PTPRD: variants seen among roughly 807,000 people sequenced by gnomAD.
PTPRD encodes protein tyrosine phosphatase receptor type D.
A neutral mutation model predicts 214.5 loss-of-function variants in PTPRD; 34 were observed. That is an observed-to-expected ratio of 0.16 (90% confidence interval 0.12 to 0.21). The LOEUF is 0.21. Ranked by LOEUF, PTPRD falls within the 10% of genes least tolerant of loss-of-function variation. The probability of loss-of-function intolerance (pLI) is 1.00; values close to 1 mark genes in which losing one functional copy is unlikely to be tolerated. For missense variants in PTPRD, 2,545 were observed against 2,398.7 expected (o/e 1.06, Z -1.27); for synonymous variants, 1,128 against 845.7 (o/e 1.33, Z -5.79).
chr9:9,955,417 T>C (rs1240354950), intron 4 of PTPRD, among the ~76,000 whole-genome samples: 4 of 152,176 alleles, frequency 2.6e-5, no homozygotes, highest in Admixed American at 2.0e-4. Context: ...AAATAAAACC[T>C]TGTCTTCTTA....
intron 3 of PTPRD, among the ~76,000 whole-genome samples, chr9:10,065,249 C>T (rs1355311716): frequency 6.6e-6 from 1 of 150,942 alleles, no homozygotes; most frequent in Non-Finnish European, 1.5e-5. Flanking sequence ...GTATTTATTG[C>T]CTGAGAAGAC....
intron 2 of PTPRD, among the ~76,000 whole-genome samples, chr9:10,367,247 G>C (rs553095396): frequency 1.5e-4 from 23 of 152,196 alleles, no homozygotes; most frequent in African/African-American, 4.6e-4. Flanking sequence ...AAATTCAATT[G>C]TGCCAAAGCC....
intron 9 of PTPRD, among the ~76,000 whole-genome samples, chr9:9,352,843 G>C (rs1360261154): frequency 6.6e-6 from 1 of 151,912 alleles, no homozygotes; most frequent in Non-Finnish European, 1.5e-5. Flanking sequence ...AAAAAGTCAT[G>C]CATAAAAAAG....
At chr9:10,236,558 A>C (rs1319033626) in intron 3 of PTPRD, among the ~76,000 whole-genome samples, 1 of 151,918 alleles carries the variant, frequency 6.6e-6, no homozygotes, top group Non-Finnish European at 1.5e-5. Flanking sequence ...GCAGTATTAG[A>C]TTTCCCTTAT....
chr9:9,793,849 T>A (rs1181474387), intron 5 of PTPRD, among the ~76,000 whole-genome samples: 1 of 152,066 alleles, frequency 6.6e-6, no homozygotes, highest in Non-Finnish European at 1.5e-5. Flanking sequence ...ATATTAAAAT[T>A]AAAAAGTTTT....
At chr9:10,278,853 C>T (rs558675015) in intron 3 of PTPRD, among the ~76,000 whole-genome samples, 2 of 152,174 alleles carry the variant, frequency 1.3e-5, no homozygotes, top group Non-Finnish European at 2.9e-5. Flanking sequence ...CGGCTCACTG[C>T]AAGCTCCGTC....
At chr9:10,562,278 C>A (rs1169547667) in intron 2 of PTPRD, among the ~76,000 whole-genome samples, 8 of 151,384 alleles carry the variant, frequency 5.3e-5, no homozygotes, top group Non-Finnish European at 1.0e-4. Context: ...GTATTCAGTT[C>A]TTCTTCAACG....
chr9:9,003,592 C>G (rs1193296289), intron 11 of PTPRD, among the ~76,000 whole-genome samples: 6 of 152,010 alleles, frequency 3.9e-5, no homozygotes, highest in Admixed American at 3.9e-4. Context: ...GCCAGTTAAA[C>G]AGTCATCTAA....
At position 8,575,000 on chromosome 9, in the gene PTPRD, C is replaced by T. The variant is rs555777581; in HGVS notation, c.353-46221G>A. Among the ~76,000 whole-genome samples the T allele has an allele frequency of 2.0e-5, 3 of 152,100 alleles. No individual in the cohort carries two copies. The East Asian group carries it at 5.8e-4, about 29-fold the overall frequency. ...TAATTCAACCTTGGCAATAAAGGCA[C>T]AAGATAATTTGGTCATCTATTTCAT... On this transcript the variant is annotated intron_variant, in intron 14 of 45. Coordinates refer to ENST00000381196, the MANE Select transcript of PTPRD (RefSeq NM_002839.4).
intron 11 of PTPRD, among the ~76,000 whole-genome samples, chr9:8,863,156 A>T (rs190502466): frequency 6.6e-6 from 1 of 152,348 alleles, no homozygotes; most frequent in East Asian, 1.9e-4. Context: ...CAGCTGCTGC[A>T]CTTCACCCTC....
intron 2 of PTPRD, among the ~76,000 whole-genome samples, chr9:10,387,344 T>C (rs749347491): frequency 7.2e-5 from 11 of 151,936 alleles, no homozygotes; most frequent in Admixed American, 1.3e-4. Context: ...TGATGCCTTA[T>C]AGTTTACTAG....
At position 8,750,737 on chromosome 9, in the gene PTPRD, G is replaced by C. The variant is rs1031929053; in HGVS notation, c.-103-16791C>G. Among the ~76,000 whole-genome samples the C allele has an allele frequency of 2.0e-5, 3 of 152,140 alleles. No individual in the cohort carries two copies. In the East Asian group the frequency reaches 5.8e-4, roughly 29 times the overall value. On this transcript the variant is annotated intron_variant, in intron 11 of 45. Coordinates refer to ENST00000381196, the MANE Select transcript of PTPRD (RefSeq NM_002839.4). ...CTGGAGCCCAGAGATTCCCAGCAGA[G>C]AATGATACCAGGCAGACTGGGAAAA...
intron 7 of PTPRD, among the ~76,000 whole-genome samples, chr9:9,729,537 C>G (rs1260035432): frequency 1.3e-5 from 2 of 152,254 alleles, no homozygotes; most frequent in East Asian, 3.9e-4. Context: ...AATAGTATCA[C>G]TCTCACCATC....
At chr9:8,864,902 T>G in intron 11 of PTPRD, among the ~76,000 whole-genome samples, 1 of 152,248 alleles carries the variant, frequency 6.6e-6, no homozygotes, top group East Asian at 1.9e-4. Flanking sequence ...CTTATACTTC[T>G]GTTCTTGTCT....
chr9:10,353,924 TA>T (rs561832437), intron 2 of PTPRD, among the ~76,000 whole-genome samples: 126 of 152,036 alleles, frequency 8.3e-4, no homozygotes, highest in African/African-American at 2.7e-3. Flanking sequence ...AATTCACCCA[TA>T]AAAAAATCAA....
chr9:9,678,605 A>G (rs2096988316), intron 7 of PTPRD, among the ~76,000 whole-genome samples: 2 of 152,058 alleles, frequency 1.3e-5, no homozygotes, highest in South Asian at 2.1e-4. Flanking sequence ...GTGAACTATT[A>G]CAAGCATCAT....
chr9:10,409,104 A>T (rs570529702), intron 2 of PTPRD, among the ~76,000 whole-genome samples: 1 of 151,924 alleles, frequency 6.6e-6, no homozygotes, highest in Admixed American at 6.6e-5. Context: ...GGGATTATAA[A>T]AATAAAAACA....
At chr9:10,446,129 A>C (rs1484102264) in intron 2 of PTPRD, among the ~76,000 whole-genome samples, 1 of 151,992 alleles carries the variant, frequency 6.6e-6, no homozygotes, top group Non-Finnish European at 1.5e-5. Flanking sequence ...TCTCCACCCC[A>C]CCCCCTTTGA....
chr9:10,476,080 G>C (rs924595052), intron 2 of PTPRD, among the ~76,000 whole-genome samples: 1 of 152,090 alleles, frequency 6.6e-6, no homozygotes, highest in African/African-American at 2.4e-5. Context: ...CACAAAACAA[G>C]TTATGCCCCC....
Sources: allele counts gnomAD v4.1 joint callset (sites outside exome capture counted in the v4.1 genomes callset), GRCh38; gene constraint gnomAD v4.1.1; transcripts MANE v1.5; gene names NCBI Gene and HGNC (gene_info 2026-07-23, HGNC 2026-07-21).